The following PLXDC1 variants were observed in gnomAD, a reference collection of about 807,000 sequenced individuals.
PLXDC1 encodes the protein plexin domain-containing protein 1.
Under a neutral mutation model 61.3 loss-of-function variants are expected in PLXDC1, and 39 were observed. The observed-to-expected ratio is 0.64, with a 90% CI of 0.49 to 0.83. The LOEUF is 0.83. Among genes scored for constraint, PLXDC1 ranks in the 40% least tolerant of loss-of-function variants. PLXDC1 has a pLI of 0.00. For missense variants in PLXDC1, 596 were observed against 666.5 expected (o/e 0.89, Z 1.17); for synonymous variants, 212 against 254.5 (o/e 0.83, Z 1.59).
chr17:39,095,611 A>G (rs1282618824), intron 7 of PLXDC1, among the ~76,000 whole-genome samples: 2 of 152,002 alleles, frequency 1.3e-5, no homozygotes, highest in Non-Finnish European at 2.9e-5. Flanking sequence ...TGCCCAAACA[A>G]GAAATGTTTT....
At chr17:39,107,833 G>A (rs1311465957) in intron 5 of PLXDC1, 3 of 564,242 alleles carry the variant, frequency 5.3e-6, no homozygotes, top group East Asian at 3.0e-5. Context: ...GGATTCAGAC[G>A]GGGCTCAAGG....
intron 2 of PLXDC1, among the ~76,000 whole-genome samples, chr17:39,122,157 C>T (rs1018094650): frequency 6.7e-6 from 1 of 148,950 alleles, no homozygotes; most frequent in Non-Finnish European, 1.5e-5. Flanking sequence ...AATCCCAGCA[C>T]TTTGGGAGGC....
chr17:39,116,050 G>A (rs1267223726), intron 2 of PLXDC1, among the ~76,000 whole-genome samples: 1 of 152,152 alleles, frequency 6.6e-6, no homozygotes, highest in Non-Finnish European at 1.5e-5. Flanking sequence ...ATCCAGGAGT[G>A]GAGGTTGCTG....
intron 11 of PLXDC1, among the ~76,000 whole-genome samples, chr17:39,077,374 G>A (rs906914824): frequency 2.0e-5 from 3 of 152,186 alleles, no homozygotes; most frequent in Non-Finnish European, 2.9e-5. Context: ...CCAGGTAGCA[G>A]GGAAGCCCCT....
At chr17:39,124,230 G>A (rs981137732) in intron 2 of PLXDC1, among the ~76,000 whole-genome samples, 1 of 152,242 alleles carries the variant, frequency 6.6e-6, no homozygotes, top group African/African-American at 2.4e-5. Flanking sequence ...CAGTTTCAGA[G>A]GTCCTGGTCC....
intron 2 of PLXDC1, among the ~76,000 whole-genome samples, chr17:39,110,995 G>T (rs1020890928): frequency 3.9e-5 from 6 of 152,106 alleles, no homozygotes; most frequent in African/African-American, 1.4e-4. Context: ...CTGTTCACAG[G>T]CTATCCAGGG....
chr17:39,095,190 A>G (rs1910103212), intron 7 of PLXDC1, among the ~76,000 whole-genome samples: 1 of 149,498 alleles, frequency 6.7e-6, no homozygotes, highest in Non-Finnish European at 1.5e-5. Context: ...CTCTGAAAAT[A>G]CAGTCCTTCC....
intron 1 of PLXDC1, among the ~76,000 whole-genome samples, chr17:39,142,154 C>T (rs1911955781): frequency 6.6e-6 from 1 of 152,168 alleles, no homozygotes; most frequent in South Asian, 2.1e-4. Flanking sequence ...AAAACGTCTC[C>T]AAACATTGCC....
chr17:39,074,192 G>A (rs925018508), intron 11 of PLXDC1, among the ~76,000 whole-genome samples: 19 of 152,160 alleles, frequency 1.2e-4, no homozygotes, highest in Non-Finnish European at 1.0e-4. Flanking sequence ...AGTTGGGCAT[G>A]TGGGGGGAAG....
At chr17:39,126,944 G>A (rs972905474) in intron 2 of PLXDC1, 1 of 152,140 alleles carries the variant, frequency 6.6e-6, no homozygotes, top group African/African-American at 2.4e-5. Flanking sequence ...TGAGGACTCC[G>A]ACATTCCACA....
intron 2 of PLXDC1, among the ~76,000 whole-genome samples, chr17:39,135,104 T>A (rs1470751545): frequency 3.3e-5 from 5 of 152,266 alleles, no homozygotes; most frequent in Non-Finnish European, 7.3e-5. Flanking sequence ...CCGAGGCAGA[T>A]GTCATTCCAG....
intron 7 of PLXDC1, among the ~76,000 whole-genome samples, chr17:39,088,359 C>T (rs1287085347): frequency 6.6e-6 from 1 of 152,204 alleles, no homozygotes; most frequent in Non-Finnish European, 1.5e-5. Context: ...ACTTTGGTCC[C>T]TGCAGAAACT....
intron 2 of PLXDC1, among the ~76,000 whole-genome samples, chr17:39,124,849 T>A (rs894240085): frequency 4.6e-5 from 7 of 152,196 alleles, no homozygotes; most frequent in Non-Finnish European, 7.3e-5. Flanking sequence ...AGTCTCACTC[T>A]GTTACCCAGG....
At chr17:39,104,796 T>C (rs557353270) in intron 7 of PLXDC1, among the ~76,000 whole-genome samples, 1 of 149,930 alleles carries the variant, frequency 6.7e-6, no homozygotes, top group Admixed American at 6.6e-5. Flanking sequence ...AAAAAAAGGC[T>C]GTGCTCAGAT....
At chr17:39,077,388 T>C (rs573032365) in intron 11 of PLXDC1, among the ~76,000 whole-genome samples, 1 of 152,062 alleles carries the variant, frequency 6.6e-6, no homozygotes, top group Non-Finnish European at 1.5e-5. Flanking sequence ...AGCCCCTAGA[T>C]TGCAAGACCT....
At position 39,077,908 on chromosome 17, in the gene PLXDC1, C is replaced by T. The variant is rs776517959; in HGVS notation, c.1186+5G>A. Reference sequence around the variant, plus strand: ...CTCTGCTCCCCTCCTGGGCTCAGAACTTACCTTCTGTGGTGAGGCTGTCGA... The same window carrying T: ...CTCTGCTCCCCTCCTGGGCTCAGAATTTACCTTCTGTGGTGAGGCTGTCGA... On this transcript the variant is annotated splice_donor_5th_base_variant and intron_variant, in intron 11 of 13. Coordinates refer to ENST00000315392, the MANE Select transcript of PLXDC1 (RefSeq NM_020405.5). 9 of 1,614,022 alleles carry T rather than the reference C, an allele frequency of 5.6e-6. No homozygotes were observed. The highest frequency in any genetic ancestry group is 1.1e-5 in the South Asian group (1 of 91,088).
chr17:39,079,148 C>A lies in PLXDC1; in HGVS notation c.1006G>T (p.Asp336Tyr). Residue 336 changes from aspartate to tyrosine, a missense_variant, in exon 10 of 14, where the codon GAC becomes TAC. By Grantham distance (160) the Asp-to-Tyr change is radical (BLOSUM62 -3). Transcript: ENST00000315392. Reference protein sequence around the residue: ...HVLQRCSSGFDRYRQEWMDYG... With the variant: ...HVLQRCSSGFYRYRQEWMDYG... ...TCCATCCACTCCTGGCGATAGCGGTCAAAGCCACTGGAGCATCTGCAGGAG... is the reference window on the plus strand; with the variant it reads ...TCCATCCACTCCTGGCGATAGCGGTAAAAGCCACTGGAGCATCTGCAGGAG... 1 of 1,613,876 alleles carries A rather than the reference C, an allele frequency of 6.2e-7. No homozygotes were observed. The highest frequency in any genetic ancestry group is 1.1e-5 in the South Asian group (1 of 91,014).
chr17:39,096,522 C>T (rs12600445), intron 7 of PLXDC1, among the ~76,000 whole-genome samples: 49,559 of 152,080 alleles, frequency 0.33, 8,581 homozygotes, highest in Admixed American at 0.44. Context: ...CTGGGACCCA[C>T]CCCTCCCTTA....
chr17:39,084,179 G>C (rs1199527442), intron 8 of PLXDC1, among the ~76,000 whole-genome samples: 1 of 152,196 alleles, frequency 6.6e-6, no homozygotes, highest in Non-Finnish European at 1.5e-5. Context: ...ACAGTCAAAG[G>C]GTTGAAAGGG....
Sources: gnomAD v4.1 joint callset for allele counts (sites outside exome capture counted in the v4.1 genomes callset) on GRCh38, gnomAD v4.1.1 for gene constraint, MANE v1.5 for transcripts, NCBI Gene and HGNC (gene_info 2026-07-23, HGNC 2026-07-21) for gene names.